ASCC3: variants seen among roughly 807,000 people sequenced by gnomAD.
ASCC3 encodes activating signal cointegrator 1 complex subunit 3.
In ASCC3, 158 loss-of-function variants were observed where a neutral mutation model predicts 256.3. The observed-to-expected ratio is 0.62, with a 90% CI of 0.54 to 0.70. The LOEUF (loss-of-function observed/expected upper bound fraction) is 0.70. Ranked by LOEUF, ASCC3 falls within the 30% of genes least tolerant of loss-of-function variation. The probability of loss-of-function intolerance (pLI) is 0.00; values close to 1 mark genes in which losing one functional copy is unlikely to be tolerated. For synonymous variants in ASCC3, 948 were observed against 883.4 expected, an observed-to-expected ratio of 1.07 and a Z score of -1.30; for missense variants, 2,259 against 2,626.0, an observed-to-expected ratio of 0.86 and a Z score of 3.05.
At chr6:100,608,067 T>TACAC (rs1773007106) in intron 30 of ASCC3, among the ~76,000 whole-genome samples, 4 of 117,934 alleles carry the variant, frequency 3.4e-5, no homozygotes, top group Admixed American at 3.0e-4. Context: ...TACACATATA[T>TACAC]ATACATATAT....
chr6:100,585,096 C>G (rs1286960280), intron 36 of ASCC3, among the ~76,000 whole-genome samples: 6 of 152,032 alleles, frequency 3.9e-5, no homozygotes, highest in Non-Finnish European at 7.4e-5. Flanking sequence ...TTGTGGTGTT[C>G]TCTGTATTTC....
At chr6:100,770,298 G>C (rs1781856656) in intron 8 of ASCC3, among the ~76,000 whole-genome samples, 1 of 151,774 alleles carries the variant, frequency 6.6e-6, no homozygotes, top group African/African-American at 2.4e-5. Flanking sequence ...TAGCAAACTA[G>C]AAGTAGAGGA....
Position 100,721,276 on chromosome 6 carries a change from CT to C in ASCC3, c.1903-3026del, listed in dbSNP as rs1322063534. On this transcript the variant is annotated intron_variant, in intron 11 of 41. Coordinates refer to ENST00000369162, the MANE Select transcript of ASCC3 (RefSeq NM_006828.4). ...TAATGTTCTATAGTTGAAGAAAGTC[CT>C]TATCTTTGCTGGATGGACATGGTCT... Among the ~76,000 whole-genome samples the C allele has an allele frequency of 2.0e-5, 3 of 151,780 alleles. No individual in the cohort carries two copies. The East Asian group carries it at 5.8e-4, about 29-fold the overall frequency.
At chr6:100,636,894 T>C (rs1582608821) in intron 25 of ASCC3, among the ~76,000 whole-genome samples, 1 of 152,272 alleles carries the variant, frequency 6.6e-6, no homozygotes, top group South Asian at 2.1e-4. Flanking sequence ...GAAGAAAAGT[T>C]TGAAGCTTGT....
At chr6:100,760,093 C>T (rs1419050444) in intron 10 of ASCC3, among the ~76,000 whole-genome samples, 1 of 152,062 alleles carries the variant, frequency 6.6e-6, no homozygotes, top group Admixed American at 6.6e-5. Context: ...ATCATGTTGT[C>T]TGCAAAAAGA....
intron 37 of ASCC3, chr6:100,530,715 G>C: frequency 1.1e-6 from 1 of 951,744 alleles, no homozygotes; most frequent in Non-Finnish European, 1.7e-6. Context: ...GATGTAACAA[G>C]AATTGAAAGA....
chr6:100,575,223 C>T (rs557842297), intron 36 of ASCC3, among the ~76,000 whole-genome samples: 5 of 151,892 alleles, frequency 3.3e-5, no homozygotes, highest in African/African-American at 4.8e-5. Flanking sequence ...TTTTTTTTTA[C>T]GTGCTGGGTC....
chr6:100,723,895 TA>T (rs1779484245), intron 11 of ASCC3, among the ~76,000 whole-genome samples: 12 of 129,258 alleles, frequency 9.3e-5, no homozygotes, highest in Non-Finnish European at 1.7e-4. Context: ...TATATATATA[TA>T]TTTATAATTA....
chr6:100,647,076 G>A (rs551362696), intron 21 of ASCC3, 150 bp downstream of exon 21: 21 of 836,494 alleles, frequency 2.5e-5, no homozygotes, highest in South Asian at 5.1e-5. Context: ...AGAGATTTTC[G>A]CTTGATTTTA....
chr6:100,701,584 G>A (rs897537660), intron 13 of ASCC3, among the ~76,000 whole-genome samples: 13 of 152,148 alleles, frequency 8.5e-5, no homozygotes, highest in Non-Finnish European at 1.3e-4. Context: ...ATTAAGCAAC[G>A]CATGTCAGTA....
Position 100,859,305 on chromosome 6 carries a change from T to TA in ASCC3, c.241+4758dup, listed in dbSNP as rs550250164. 1.8e-4 allele frequency: 136 copies of TA among 768,860 alleles called. 1 individual carries two copies. The East Asian group carries it at 2.3e-3, about 13-fold the overall frequency. 47.6% of individuals were successfully genotyped at this position (768,860 alleles called of 1,614,324 possible). Reference sequence around the variant, plus strand: ...TTCACTGCTTTGATAACTTCTCTGATATAGTCAAACAAATTTTGTATTTTG... The same window carrying TA: ...TTCACTGCTTTGATAACTTCTCTGATAATAGTCAAACAAATTTTGTATTTTG... On this transcript the variant is annotated intron_variant, in intron 3 of 41. Transcript: ENST00000369162.
At chr6:100,568,949 T>C (rs1228415293) in intron 36 of ASCC3, among the ~76,000 whole-genome samples, 1 of 151,640 alleles carries the variant, frequency 6.6e-6, no homozygotes, top group African/African-American at 2.4e-5. Flanking sequence ...AGCTAATTTT[T>C]TTTGTGTTTT....
At chr6:100,668,945 T>C (rs1190886361) in intron 14 of ASCC3, among the ~76,000 whole-genome samples, 2 of 151,734 alleles carry the variant, frequency 1.3e-5, no homozygotes, top group Non-Finnish European at 3.0e-5. Flanking sequence ...CAAGGTTGTT[T>C]GGTATCAGTC....
chr6:100,565,147 G>A (rs1770166682), intron 36 of ASCC3, among the ~76,000 whole-genome samples: 1 of 152,120 alleles, frequency 6.6e-6, no homozygotes, highest in South Asian at 2.1e-4. Flanking sequence ...AGCTTTAACT[G>A]CAATTGAATC....
chr6:100,549,014 T>G (rs1769156304), intron 36 of ASCC3, among the ~76,000 whole-genome samples: 1 of 151,904 alleles, frequency 6.6e-6, no homozygotes, highest in South Asian at 2.1e-4. Flanking sequence ...CAATAGGAAT[T>G]TTGTGAATGT....
intron 32 of ASCC3, 66 bp downstream of exon 32, chr6:100,606,674 T>C: frequency 6.7e-7 from 1 of 1,485,012 alleles, no homozygotes; most frequent in Non-Finnish European, 9.0e-7. Flanking sequence ...AAATTAATTA[T>C]TCAAATTCAA....
At chr6:100,626,143 T>TTTTG (rs142841157) in intron 29 of ASCC3, among the ~76,000 whole-genome samples, 12 of 152,036 alleles carry the variant, frequency 7.9e-5, no homozygotes, top group South Asian at 6.2e-4. Flanking sequence ...AAATGAGGTT[T>TTTTG]TTTGTTTGTT....
chr6:100,844,129 C>T (rs955526431), intron 4 of ASCC3, among the ~76,000 whole-genome samples: 2 of 148,080 alleles, frequency 1.4e-5, no homozygotes, highest in Non-Finnish European at 3.0e-5. Context: ...AAGAGCCTTG[C>T]CAGTTAATGT....
At chr6:100,541,903 T>A (rs897249962) in intron 36 of ASCC3, among the ~76,000 whole-genome samples, 3 of 152,210 alleles carry the variant, frequency 2.0e-5, no homozygotes, top group Non-Finnish European at 4.4e-5. Flanking sequence ...AAAATTACAA[T>A]GTCTGAGATG....
Sources: gnomAD v4.1 joint callset for allele counts (sites outside exome capture counted in the v4.1 genomes callset) on GRCh38, gnomAD v4.1.1 for gene constraint, MANE v1.5 for transcripts, NCBI Gene and HGNC (gene_info 2026-07-23, HGNC 2026-07-21) for gene names.